SMURF2: variants seen among roughly 807,000 people sequenced by gnomAD.
SMURF2 encodes SMAD specific E3 ubiquitin protein ligase 2, also known as E3 ubiquitin-protein ligase SMURF2.
In SMURF2, 48 loss-of-function variants were observed where a neutral mutation model predicts 109.6. That is an observed-to-expected ratio of 0.44 (90% CI 0.35 to 0.56). SMURF2 has a LOEUF of 0.56. SMURF2 is among the 20% of genes least tolerant of loss of function. SMURF2 has a pLI of 0.01. For missense variants in SMURF2, 575 were observed against 909.0 expected (o/e 0.63, Z 4.72); for synonymous variants, 288 against 317.1 (o/e 0.91, Z 0.97).
At chr17:64,612,684 C>T (rs564102788) in intron 1 of SMURF2, among the ~76,000 whole-genome samples, 9 of 152,008 alleles carry the variant, frequency 5.9e-5, no homozygotes, top group South Asian at 4.2e-4. Flanking sequence ...CCTCCCTCCA[C>T]CCCTCAAAAA....
intron 1 of SMURF2, among the ~76,000 whole-genome samples, chr17:64,647,656 G>A (rs986592264): frequency 2.3e-4 from 35 of 151,066 alleles, no homozygotes; most frequent in African/African-American, 7.8e-4. Flanking sequence ...ACTTCAGCCC[G>A]GGTGACAGAG....
intron 1 of SMURF2, among the ~76,000 whole-genome samples, chr17:64,627,084 GT>G (rs1475985490): frequency 2.1e-5 from 3 of 141,296 alleles, no homozygotes; most frequent in Non-Finnish European, 4.6e-5. Context: ...CAAAATAAAT[GT>G]TGTTTTAAGC....
chr17:64,547,659 A>C lies in SMURF2; in HGVS notation c.2012T>G (p.Leu671Trp). Residue 671 changes from leucine (L) to tryptophan (W), a missense_variant, in exon 17 of 19, where the codon TTG becomes TGG. Leu to Trp is a moderately conservative substitution (Grantham distance 61, BLOSUM62 -2). Transcript: ENST00000262435. This position sits in a 1 kb window ranked among gnomAD's most constrained non-coding sequence, Gnocchi z 4.2. Reference sequence around the variant, plus strand: ...AGAGGATCCTGTCACAAACTGAAGCAATCTTGCTCGTCGCTCTTCATCAAA... The same window carrying C: ...AGAGGATCCTGTCACAAACTGAAGCCATCTTGCTCGTCGCTCTTCATCAAA... ...EFFDEERRAR[L>W]LQFVTGSSRV... The C allele has an allele frequency of 6.2e-7, 1 of 1,613,880 alleles. No homozygotes were observed. Among genetic ancestry groups the C allele is most frequent in the Non-Finnish European group, 8.5e-7 (1 of 1,179,960 alleles).
At position 64,543,222 on chromosome 17, in the gene SMURF2, G is replaced by T. The variant is rs1470310901; in HGVS notation, c.*2626C>A. ...ACTTTGAAATGGAAATCTAAATCAT[G>T]TTTTTATATATGTTGGTGATAACAT... On this transcript the variant is annotated 3_prime_UTR_variant, in exon 19 of 19. Coordinates refer to ENST00000262435, the MANE Select transcript of SMURF2 (RefSeq NM_022739.4). 1 of 150,478 alleles carries T rather than the reference G, an allele frequency of 6.6e-6. No individual in the cohort carries two copies. Among genetic ancestry groups the T allele is most frequent in the Non-Finnish European group, 1.5e-5 (1 of 67,714 alleles). The allele number at this position is 150,478 out of a possible 1,614,324, so 9.3% of individuals were successfully genotyped here. A position where few individuals can be genotyped will look rare whatever the true frequency, so the allele number is the denominator to read the frequency against.
chr17:64,626,677 C>T (rs1488773046), intron 1 of SMURF2, among the ~76,000 whole-genome samples: 4 of 152,170 alleles, frequency 2.6e-5, no homozygotes, highest in African/African-American at 7.2e-5. Flanking sequence ...GCAAGGGAAT[C>T]GCTTGAACCT....
chr17:64,630,692 T>C (rs927969767), intron 1 of SMURF2, among the ~76,000 whole-genome samples: 1 of 152,236 alleles, frequency 6.6e-6, no homozygotes, highest in African/African-American at 2.4e-5. Flanking sequence ...TAGAAAATTA[T>C]AAGAATTTTG....
intron 17 of SMURF2, 146 bp from the exon 18 acceptor site, chr17:64,546,484 G>A (rs909383910): frequency 3.2e-6 from 2 of 621,698 alleles, no homozygotes; most frequent in Non-Finnish European, 5.4e-6. Flanking sequence ...AGGGCAGCAG[G>A]AAAAGCATCT....
At chr17:64,628,241 T>C (rs1970293475) in intron 1 of SMURF2, among the ~76,000 whole-genome samples, 1 of 152,210 alleles carries the variant, frequency 6.6e-6, no homozygotes, top group Non-Finnish European at 1.5e-5. Context: ...GGGTCTATTC[T>C]GTGTATGTTC....
At chr17:64,604,698 C>T (rs1453863580) in intron 2 of SMURF2, among the ~76,000 whole-genome samples, 1 of 152,130 alleles carries the variant, frequency 6.6e-6, no homozygotes, top group Non-Finnish European at 1.5e-5. Context: ...ATAATCCCAG[C>T]ACTGTGGGAG....
At chr17:64,605,996 A>AAT (rs1969965782) in intron 2 of SMURF2, among the ~76,000 whole-genome samples, 1 of 151,586 alleles carries the variant, frequency 6.6e-6, no homozygotes, top group Non-Finnish European at 1.5e-5. Context: ...TAAAGATTGT[A>AAT]ATATACATGC....
chr17:64,649,090 A>G (rs1555693251), intron 1 of SMURF2, among the ~76,000 whole-genome samples: 1 of 152,118 alleles, frequency 6.6e-6, no homozygotes, highest in African/African-American at 2.4e-5. Flanking sequence ...AATGTTTGCA[A>G]CTCTACTATC....
intron 1 of SMURF2, among the ~76,000 whole-genome samples, chr17:64,623,974 T>C (rs1439306966): frequency 6.6e-6 from 1 of 152,246 alleles, no homozygotes; most frequent in Non-Finnish European, 1.5e-5. Context: ...CCATAGCTTA[T>C]CCATATATAT....
Position 64,557,705 on chromosome 17 carries a change from A to C in SMURF2, c.1334T>G (p.Leu445Trp). Residue 445 changes from leucine to tryptophan, a missense_variant, in exon 13 of 19, where the codon TTG becomes TGG. Leu to Trp is a moderately conservative substitution (Grantham distance 61). Coordinates refer to ENST00000262435, the MANE Select transcript of SMURF2 (RefSeq NM_022739.4). ...GTATGGATTCAACATTTCATGTGAC[A>C]AGAGATACAACCATTCCCTAGAAAA... ...GGVAREWLYL[L>W]SHEMLNPYYG... 6.2e-7 allele frequency: 1 copy of C among 1,608,612 alleles called. No individual in the cohort carries two copies. The highest frequency in any genetic ancestry group is 8.5e-7 in the Non-Finnish European group (1 of 1,176,110).
Position 64,546,270 on chromosome 17 carries a change from G to A in SMURF2, c.2140C>T (p.His714Tyr), listed in dbSNP as rs1555683101. 1 of 1,614,034 alleles carries A rather than the reference G, an allele frequency of 6.2e-7. No homozygotes were observed. Among genetic ancestry groups the A allele is most frequent in the Admixed American group, 1.7e-5 (1 of 60,028 alleles). The change falls in exon 18 of 19, where the codon CAC becomes TAC. Residue 714 changes from histidine (H) to tyrosine (Y), a missense_variant. Transcript: ENST00000262435. ...DACTNNLPKA[H>Y]TCFNRIDIPP... The stretch of plus-strand genomic sequence containing the variant: ...GCTACAAAAATACCTTACCAAGTGT[G>A]GGCTTTCGGCAGGTTGTTAGTGCAG...
chr17:64,585,078 A>G (rs1969634558), intron 6 of SMURF2, among the ~76,000 whole-genome samples: 2 of 152,250 alleles, frequency 1.3e-5, no homozygotes, highest in South Asian at 4.1e-4. Context: ...TTTTGTATAA[A>G]AAATAATTGG....
intron 1 of SMURF2, among the ~76,000 whole-genome samples, chr17:64,607,376 C>T (rs1315582973): frequency 2.0e-5 from 3 of 152,154 alleles, no homozygotes; most frequent in Admixed American, 2.0e-4. Context: ...ACCCGTAATC[C>T]CAGCACTTTG....
intron 1 of SMURF2, among the ~76,000 whole-genome samples, chr17:64,615,800 T>C (rs149113811): frequency 2.6e-5 from 4 of 152,346 alleles, no homozygotes; most frequent in South Asian, 2.1e-4. Context: ...TTAAAGATTA[T>C]GTAAATGTAT....
intron 2 of SMURF2, among the ~76,000 whole-genome samples, chr17:64,606,358 C>T (rs782650527): frequency 4.6e-5 from 7 of 152,130 alleles, no homozygotes; most frequent in Non-Finnish European, 1.0e-4. Flanking sequence ...ATTTACACAC[C>T]TGCATACACA....
chr17:64,629,759 A>T (rs1970313114), intron 1 of SMURF2, among the ~76,000 whole-genome samples: 1 of 152,194 alleles, frequency 6.6e-6, no homozygotes, highest in Admixed American at 6.5e-5. Flanking sequence ...TATCTACATG[A>T]ATTACAACAG....
Sources: allele counts gnomAD v4.1 joint callset (sites outside exome capture counted in the v4.1 genomes callset), GRCh38; gene constraint gnomAD v4.1.1; non-coding constraint Gnocchi (gnomAD v3.1); transcripts MANE v1.5; gene names NCBI Gene and HGNC (gene_info 2026-07-23, HGNC 2026-07-21).